The following PPP1R16B variants were observed in gnomAD, a reference collection of about 807,000 sequenced individuals.
PPP1R16B encodes the protein protein phosphatase 1 regulatory inhibitor subunit 16B.
Under a neutral mutation model 61.7 loss-of-function variants are expected in PPP1R16B, and 14 were observed. That is an observed-to-expected ratio of 0.23 (90% CI 0.15 to 0.35). The LOEUF is 0.35. PPP1R16B is among the 10% of genes least tolerant of loss of function. The probability of loss-of-function intolerance (pLI) is 1.00; values close to 1 mark genes in which losing one functional copy is unlikely to be tolerated. For synonymous variants in PPP1R16B, 266 were observed against 305.3 expected (o/e 0.87, Z 1.34); for missense variants, 547 against 752.5 (o/e 0.73, Z 3.19).
intron 2 of PPP1R16B, among the ~76,000 whole-genome samples, chr20:38,868,400 T>C (rs1401690494): frequency 1.3e-5 from 2 of 152,160 alleles, no homozygotes; most frequent in Admixed American, 1.3e-4. Flanking sequence ...TTTTTTTTTT[T>C]TGGAGACAGG....
At chr20:38,830,582 T>C (rs2084830633) in intron 1 of PPP1R16B, among the ~76,000 whole-genome samples, 1 of 152,210 alleles carries the variant, frequency 6.6e-6, no homozygotes, top group Non-Finnish European at 1.5e-5. Flanking sequence ...CTAGATACAG[T>C]GGCTTGCCCA....
At chr20:38,846,803 A>G (rs568413065) in intron 2 of PPP1R16B, among the ~76,000 whole-genome samples, 5 of 152,302 alleles carry the variant, frequency 3.3e-5, no homozygotes, top group African/African-American at 9.6e-5. Flanking sequence ...CAGGAGTCCA[A>G]GACCAGCCTA....
chr20:38,836,682 C>T (rs1363575360), intron 2 of PPP1R16B, among the ~76,000 whole-genome samples: 8 of 152,126 alleles, frequency 5.3e-5, no homozygotes, highest in Admixed American at 2.6e-4. Flanking sequence ...TAAACATCTT[C>T]GTTCATTTGT....
chr20:38,807,236 A>G (rs932179146), intron 1 of PPP1R16B, among the ~76,000 whole-genome samples: 5 of 152,202 alleles, frequency 3.3e-5, no homozygotes, highest in African/African-American at 1.2e-4. Context: ...AAGGCTGGTA[A>G]TAAAGCTTCT....
At chr20:38,845,014 C>T (rs2084928592) in intron 2 of PPP1R16B, among the ~76,000 whole-genome samples, 1 of 133,960 alleles carries the variant, frequency 7.5e-6, no homozygotes, top group South Asian at 2.7e-4. Flanking sequence ...AGGAAATGAA[C>T]CTACTGGAAC....
chr20:38,807,880 C>T (rs2084672695), intron 1 of PPP1R16B, among the ~76,000 whole-genome samples: 1 of 152,102 alleles, frequency 6.6e-6, no homozygotes, highest in Non-Finnish European at 1.5e-5. Flanking sequence ...GTTCATGTGT[C>T]AAGGGCCCCG....
intron 1 of PPP1R16B, among the ~76,000 whole-genome samples, chr20:38,831,308 C>T (rs146504298): frequency 6.6e-6 from 1 of 152,344 alleles, no homozygotes; most frequent in Admixed American, 6.5e-5. Flanking sequence ...CTGGGTCTCA[C>T]GAGGAGGCCA....
Position 38,826,416 on chromosome 20 carries a change from G to A in PPP1R16B, c.-101-9409G>A, listed in dbSNP as rs927143035. Among the ~76,000 whole-genome samples, 7 of 151,884 alleles carry A rather than the reference G, an allele frequency of 4.6e-5. 1 individual carries two copies. The highest frequency in any genetic ancestry group is 3.9e-4 in the Admixed American group (6 of 15,274). ...TGGCACCCTTGTTCCTGTCCCCTAC[G>A]GCCTTCTCCACACTGCTGTACTTAC... On this transcript the variant is annotated intron_variant, in intron 1 of 10. Coordinates refer to ENST00000299824, the MANE Select transcript of PPP1R16B (RefSeq NM_015568.4).
intron 1 of PPP1R16B, among the ~76,000 whole-genome samples, chr20:38,808,099 C>A (rs762607150): frequency 6.6e-6 from 1 of 152,210 alleles, no homozygotes; most frequent in East Asian, 1.9e-4. Flanking sequence ...GAACCTTTCT[C>A]CTTTCTGCAG....
At chr20:38,861,750 C>T (rs1231295561) in intron 2 of PPP1R16B, among the ~76,000 whole-genome samples, 1 of 149,342 alleles carries the variant, frequency 6.7e-6, no homozygotes. Context: ...AATCTTGGCT[C>T]ACTGCAACCT....
intron 4 of PPP1R16B, among the ~76,000 whole-genome samples, chr20:38,897,359 G>T (rs2085357890): frequency 6.6e-6 from 1 of 152,160 alleles, no homozygotes. Context: ...TACAGTATTT[G>T]TCTTTTTTTG....
rs377397560 is a variant in PPP1R16B, at chr20:38,867,698, A to G, written c.251-21897A>G. ...ATTCTTTTTTTTCCCCCCGAGATGG[A>G]GTCTTGCTCTGTTGCCCAGGCTGGA... On this transcript the variant is annotated intron_variant, in intron 2 of 10. Transcript: ENST00000299824. Among the ~76,000 whole-genome samples the G allele has an allele frequency of 2.7e-4, 40 of 150,336 alleles. No homozygotes were observed. The East Asian group carries it at 3.2e-3, about 12-fold the overall frequency.
At chr20:38,858,142 C>G (rs1391440872) in intron 2 of PPP1R16B, among the ~76,000 whole-genome samples, 1 of 152,116 alleles carries the variant, frequency 6.6e-6, no homozygotes, top group Non-Finnish European at 1.5e-5. Flanking sequence ...GCCCCATCAT[C>G]ATGACCTCAT....
chr20:38,909,790 C>T (rs2085474568), intron 10 of PPP1R16B, among the ~76,000 whole-genome samples: 1 of 152,168 alleles, frequency 6.6e-6, no homozygotes, highest in African/African-American at 2.4e-5. Flanking sequence ...ATCAAAGCCA[C>T]CAGCTGGTGA....
intron 2 of PPP1R16B, among the ~76,000 whole-genome samples, chr20:38,844,048 G>A (rs1474354061): frequency 6.6e-6 from 1 of 152,118 alleles, no homozygotes; most frequent in Non-Finnish European, 1.5e-5. Context: ...TGAATCTGAA[G>A]CCATATCAAT....
chr20:38,901,017 G>A (rs985913562), intron 5 of PPP1R16B, among the ~76,000 whole-genome samples: 3 of 152,170 alleles, frequency 2.0e-5, no homozygotes, highest in African/African-American at 7.2e-5. Context: ...ATTCCTATGT[G>A]GGACAATAAT....
At chr20:38,874,141 G>A (rs1428170314) in intron 2 of PPP1R16B, among the ~76,000 whole-genome samples, 1 of 152,178 alleles carries the variant, frequency 6.6e-6, no homozygotes, top group Admixed American at 6.5e-5. Flanking sequence ...ATCCTAGGAG[G>A]CTGGGGTACT....
chr20:38,895,645 G>A lies in PPP1R16B; in HGVS notation c.402G>A (p.Leu134=), dbSNP rs762846601. 1.2e-6 allele frequency: 2 copies of A among 1,614,154 alleles called. No individual in the cohort carries two copies. Among genetic ancestry groups the A allele is most frequent in the Admixed American group, 1.7e-5 (1 of 60,024 alleles). Residue 134 remains leucine (L), a synonymous_variant, in exon 4 of 11, where the codon CTG becomes CTA. Transcript: ENST00000299824. ...GANVNAKDNE[L]WTPLHAAATC... ...ATGTGAACGCCAAGGACAACGAGCTGTGGACACCTCTCCATGCTGCAGCCA... is the reference window on the plus strand; with the variant it reads ...ATGTGAACGCCAAGGACAACGAGCTATGGACACCTCTCCATGCTGCAGCCA...
At chr20:38,888,876 AACACAC>A (rs1181903301) in intron 2 of PPP1R16B, among the ~76,000 whole-genome samples, 9,645 of 112,196 alleles carry the variant, frequency 0.086, 431 homozygotes, top group Admixed American at 0.16. Flanking sequence ...AGAATCCCTG[AACACAC>A]ACACACACAC....
Sources: allele counts gnomAD v4.1 joint callset (sites outside exome capture counted in the v4.1 genomes callset), GRCh38; gene constraint gnomAD v4.1.1; transcripts MANE v1.5; gene names NCBI Gene and HGNC (gene_info 2026-07-23, HGNC 2026-07-21).